The following ZNF765 variants were observed in gnomAD, a reference collection of about 807,000 sequenced individuals.
The protein encoded by ZNF765 is zinc finger protein 765.
ZNF765 carries 37 observed loss-of-function variants against 44.7 expected under a neutral mutation model. The ratio of observed to expected loss-of-function variants is 0.83; its 90% confidence interval spans 0.64 to 1.09. ZNF765 has a LOEUF of 1.09. ZNF765 is among the 50% of genes least tolerant of loss of function. The pLI, the probability that ZNF765 is intolerant of heterozygous loss-of-function variation, is 0.00. For missense variants in ZNF765, 594 were observed against 626.1 expected (o/e 0.95, Z 0.55); for synonymous variants, 201 against 213.7 (o/e 0.94, Z 0.52).
At chr19:53,414,483 ACACACACCCCCCCCCCCCCCC>A (rs1568786078), downstream of ZNF765, among the ~76,000 whole-genome samples, 18 of 4,884 alleles carry the variant, frequency 3.7e-3, 1 homozygote, top group South Asian at 0.018. Context: ...ACACACACAC[ACACACACCCCCCCCCCCCCCC>A]CCCCCGGGGA....
downstream of ZNF765, among the ~76,000 whole-genome samples, chr19:53,414,434 ACCACACACAC>A (rs1308140454): frequency 5.2e-4 from 27 of 51,780 alleles, 2 homozygotes; most frequent in Non-Finnish European, 7.6e-4. Flanking sequence ...GACCCTCCCC[ACCACACACAC>A]ACACACACAC....
intron 3 of ZNF765, chr19:53,422,985 C>G (rs1430624649): frequency 1.4e-6 from 1 of 718,452 alleles, no homozygotes; most frequent in Non-Finnish European, 2.5e-6. Flanking sequence ...TAGAGGAGTC[C>G]CACAGACAAT....
downstream of ZNF765, among the ~76,000 whole-genome samples, chr19:53,416,682 C>G (rs1322103257): frequency 2.6e-5 from 4 of 151,438 alleles, no homozygotes; most frequent in African/African-American, 4.9e-5. Context: ...AGTTATATAA[C>G]TATACATCAA....
chr19:53,414,085 AC>A (rs1319499124), downstream of ZNF765, among the ~76,000 whole-genome samples: 1 of 151,730 alleles, frequency 6.6e-6, no homozygotes, highest in Non-Finnish European at 1.5e-5. Context: ...TACTAAAAAC[AC>A]AAAACTTGGC....
At chr19:53,396,105 G>T (rs2085666361) in intron 1 of ZNF765, among the ~76,000 whole-genome samples, 1 of 152,134 alleles carries the variant, frequency 6.6e-6, no homozygotes, top group Non-Finnish European at 1.5e-5. Context: ...ACAGCAAAGA[G>T]GGAGGCTCAT....
chr19:53,425,246 A>T (rs953940714), exon 4 of ZNF765: 1 of 151,852 alleles, frequency 6.6e-6, no homozygotes. Flanking sequence ...CCCACACCGC[A>T]CTGCAGCAGC....
chr19:53,409,561 A>T lies in ZNF765; in HGVS notation c.*434A>T. On this transcript the variant is annotated 3_prime_UTR_variant, in exon 4 of 4. Transcript: ENST00000396408. Reference sequence around the variant, plus strand: ...CAAATGTGAAGAATTTGAGTTTTCCATTTCAAATCAAACCTTGAAAGACAA... The same window carrying T: ...CAAATGTGAAGAATTTGAGTTTTCCTTTTCAAATCAAACCTTGAAAGACAA... The T allele has an allele frequency of 3.0e-6, 4 of 1,316,360 alleles. No individual in the cohort carries two copies. The highest frequency in any genetic ancestry group is 3.3e-6 in the Non-Finnish European group (3 of 916,016). The allele number at this position is 1,316,360 out of a possible 1,614,324, so 81.5% of individuals were successfully genotyped here. A position where few individuals can be genotyped will look rare whatever the true frequency, so the allele number is the denominator to read the frequency against.
chr19:53,399,707 G>T (rs2085704687), intron 2 of ZNF765, among the ~76,000 whole-genome samples: 1 of 151,906 alleles, frequency 6.6e-6, no homozygotes, highest in Non-Finnish European at 1.5e-5. Context: ...TTTACGTTTG[G>T]GGCCATATGT....
At chr19:53,426,188 C>G (rs2147111585) in exon 4 of ZNF765, 2 of 153,390 alleles carry the variant, frequency 1.3e-5, no homozygotes, top group Middle Eastern at 3.4e-3. Flanking sequence ...AAGGTCTGCA[C>G]CATGGTGCAC....
Position 53,408,006 on chromosome 19 carries a change from C to A in ZNF765, c.451C>A (p.Leu151Met). Residue 151 changes from leucine (L) to methionine (M), a missense_variant, in exon 4 of 4, where the codon CTG (leucine) becomes ATG (methionine). Physicochemically the swap from Leu to Met is conservative, Grantham distance 15 (BLOSUM62 2). Around this residue, in one of 2 missense-constraint regions of ZNF765, gnomAD observed 567 missense variants for 572.6 expected, o/e 0.99. Coordinates refer to ENST00000396408, the MANE Select transcript of ZNF765 (RefSeq NM_001040185.3). ...GFSFHSHLPE[L>M]HIFHTEEKID... The stretch of plus-strand genomic sequence containing the variant: ...CAGCTTTCATTCGCATCTGCCTGAA[C>A]TGCACATATTTCACACTGAAGAGAA... 1 of 1,614,204 alleles carries A rather than the reference C, an allele frequency of 6.2e-7. No homozygotes were observed. Among genetic ancestry groups the A allele is most frequent in the Non-Finnish European group, 8.5e-7 (1 of 1,180,026 alleles).
chr19:53,406,261 C>T (rs946417556), intron 3 of ZNF765, among the ~76,000 whole-genome samples: 1 of 151,720 alleles, frequency 6.6e-6, no homozygotes, highest in Non-Finnish European at 1.5e-5. Flanking sequence ...GAACTCCTCA[C>T]CTCATGATCT....
In ZNF765 at chr19:53,402,248, CTTTTTTTTTTTTTTTTTT is replaced by C. The variant is rs72582439; in HGVS notation, c.142+66_142+83del. On this transcript the variant is annotated intron_variant, in intron 3 of 3. Coordinates refer to ENST00000396408, the MANE Select transcript of ZNF765 (RefSeq NM_001040185.3). ...CTTGCGTATCTTTGTATTTTCTCTC[CTTTTTTTTTTTTTTTTTT>C]TTTTTTTTGAGATGGAGTCTCGCTC... 3 of 1,257,916 alleles carry C rather than the reference CTTTTTTTTTTTTTTTTTT, an allele frequency of 2.4e-6. 1 individual carries two copies. 77.9% of individuals were successfully genotyped at this position (1,257,916 alleles called of 1,614,324 possible). A position where few individuals can be genotyped will look rare whatever the true frequency, so the allele number is the denominator to read the frequency against.
At chr19:53,405,903 CTATATATA>C (rs10675178) in intron 3 of ZNF765, among the ~76,000 whole-genome samples, 107 of 49,148 alleles carry the variant, frequency 2.2e-3, no homozygotes, top group South Asian at 2.9e-3. Flanking sequence ...TTAATACCAA[CTATATATA>C]TATATATATA....
Position 53,408,881 on chromosome 19 carries a change from A to T in ZNF765, c.1326A>T (p.Glu442Asp), listed in dbSNP as rs761310526. The T allele has an allele frequency of 6.2e-7, 1 of 1,613,708 alleles. No homozygotes were observed. Among genetic ancestry groups the T allele is most frequent in the Non-Finnish European group, 8.5e-7 (1 of 1,179,912 alleles). ...HSGEKPYKCE[E>D]CDKAYSFKSN... ...GAGAGAAACCTTACAAATGTGAAGAATGTGACAAAGCCTACAGTTTCAAAT... is the reference window on the plus strand; with the variant it reads ...GAGAGAAACCTTACAAATGTGAAGATTGTGACAAAGCCTACAGTTTCAAAT... Residue 442 changes from glutamate (E) to aspartate (D), a missense_variant, in exon 4 of 4, where the codon GAA becomes GAT. Physicochemically the swap from Glu to Asp is conservative, Grantham distance 45 (BLOSUM62 2). Coordinates refer to ENST00000396408, the MANE Select transcript of ZNF765 (RefSeq NM_001040185.3).
intron 1 of ZNF765, 143 bp downstream of exon 1, chr19:53,395,336 T>C: frequency 6.6e-6 from 1 of 152,490 alleles, no homozygotes; most frequent in Non-Finnish European, 1.5e-5. Context: ...CCCGTGAGAG[T>C]CCGGGGGTCG....
At position 53,407,716 on chromosome 19, in the gene ZNF765, T is replaced by C. The variant is rs757714794; in HGVS notation, c.161T>C (p.Met54Thr). The C allele has an allele frequency of 1.9e-6, 3 of 1,555,868 alleles. No homozygotes were observed. The highest frequency in any genetic ancestry group is 4.0e-5 in the Admixed American group (2 of 49,446). Residue 54 changes from methionine to threonine, a missense_variant, in exon 4 of 4, where the codon ATG becomes ACG. By Grantham distance (81) the Met-to-Thr change is moderately conservative. This residue lies in a region of ZNF765 where 567 missense variants were observed against 572.6 expected (regional missense o/e 0.99). Transcript: ENST00000396408. Reference sequence around the variant, plus strand: ...TTTTTAGATATCTCTTCCAAATGCATGATGAAGGAGTTCTCGTCAACAGCA... The same window carrying C: ...TTTTTAGATATCTCTTCCAAATGCACGATGAAGGAGTTCTCGTCAACAGCA... ...LVSLDISSKC[M>T]MKEFSSTAQG...
Position 53,405,571 on chromosome 19 carries a change from G to A in ZNF765, c.143-2127G>A, listed in dbSNP as rs550788096. On this transcript the variant is annotated intron_variant, in intron 3 of 3. Coordinates refer to ENST00000396408, the MANE Select transcript of ZNF765 (RefSeq NM_001040185.3). ...GGTTTAGCCCAGCCATCTTCCTGCCGTGTCCTGACATGGTGGAAACAGGAA... is the reference window on the plus strand; with the variant it reads ...GGTTTAGCCCAGCCATCTTCCTGCCATGTCCTGACATGGTGGAAACAGGAA... Among the ~76,000 whole-genome samples the A allele has an allele frequency of 1.9e-4, 28 of 151,116 alleles. No homozygotes were observed. The East Asian group carries it at 4.1e-3, about 22-fold the overall frequency.
At chr19:53,420,033 A>T (rs1568788766) in intron 3 of ZNF765, among the ~76,000 whole-genome samples, 1 of 149,074 alleles carries the variant, frequency 6.7e-6, no homozygotes, top group African/African-American at 2.5e-5. Context: ...AAATAATAAT[A>T]AAATAAATAA....
chr19:53,414,466 CACACACACACACACACACACACA>C (rs2085859504), downstream of ZNF765, among the ~76,000 whole-genome samples: 1 of 25,264 alleles, frequency 4.0e-5, no homozygotes, highest in African/African-American at 1.3e-4. Flanking sequence ...CACACACACA[CACACACACACACACACACACACA>C]CCCCCCCCCC....
Sources: gnomAD v4.1 joint callset for allele counts (sites outside exome capture counted in the v4.1 genomes callset) on GRCh38, gnomAD v4.1.1 for gene constraint, gnomAD v4.1.1 regional missense constraint, MANE v1.5 for transcripts, NCBI Gene and HGNC (gene_info 2026-07-23, HGNC 2026-07-21) for gene names.